Variants in CHD5 observed in about 807,000 individuals in gnomAD.
The protein encoded by CHD5 is ATP-dependent chromatin remodeler CHD5.
CHD5 carries 69 observed loss-of-function variants against 230.3 expected under a neutral mutation model. The ratio of observed to expected loss-of-function variants is 0.30; its 90% CI spans 0.25 to 0.37. The LOEUF is 0.37. Ranked by LOEUF, CHD5 falls within the 10% of genes least tolerant of loss-of-function variation. The pLI is 1.00. For missense variants in CHD5, 1,827 were observed against 2,622.8 expected (o/e 0.70, Z 6.63); for synonymous variants, 1,064 against 1,065.9 (o/e 1.00, Z 0.03).
rs190912709 is a variant in CHD5, at chr1:6,163,745, C to T, written c.208-4230G>A. On this transcript the variant is annotated intron_variant, in intron 2 of 41. Coordinates refer to ENST00000262450, the MANE Select transcript of CHD5 (RefSeq NM_015557.3). ...CCACGTGCAGGGGAGGAGACAGAGA[C>T]GCAGACCAATAAGTCCCTAACTAAG... 1.4e-4 allele frequency among the ~76,000 whole-genome samples: 22 copies of T among 152,258 alleles called. No individual in the cohort carries two copies. The East Asian group carries it at 3.5e-3, about 24-fold the overall frequency.
rs149692705 is a variant in CHD5, at chr1:6,128,926, G to A, written c.3531C>T (p.Leu1177=). 219 of 1,613,200 alleles carry A rather than the reference G, an allele frequency of 1.4e-4. No homozygotes were observed. Among genetic ancestry groups the A allele is most frequent in the African/African-American group, 1.7e-4 (13 of 74,918 alleles). The change falls in exon 23 of 42, where the codon CTC becomes CTT. Residue 1177 remains leucine (L), a synonymous_variant. Coordinates refer to ENST00000262450, the MANE Select transcript of CHD5 (RefSeq NM_015557.3). This position sits in a 1 kb window ranked among gnomAD's most constrained non-coding sequence, Gnocchi z 7.8. ...TGGTCATGGACCCCGACTTGGAGCC[G>A]AGGCCGGGCCGCACCACCAGGTGGG... The part of the protein sequence containing the change: ...MLTHLVVRPG[L]GSKSGSMTKQ...
Position 6,125,085 on chromosome 1 carries a change from A to G in CHD5, c.4394+15T>C, listed in dbSNP as rs1666533271. ...GCAGGTGGTCACACCCTGGGCCACC[A>G]CCTAGCCCCTTTACCTAAACTCCTT... On this transcript the variant is annotated intron_variant, in intron 29 of 41. Transcript: ENST00000262450. The surrounding 1 kb of genome is among the most constrained non-coding windows in gnomAD (Gnocchi z 6.7). 7 of 1,566,176 alleles carry G rather than the reference A, an allele frequency of 4.5e-6. No homozygotes were observed. The East Asian group carries it at 1.6e-4, about 37-fold the overall frequency.
At chr1:6,113,238 C>A in intron 33 of CHD5, 1 of 500,832 alleles carries the variant, frequency 2.0e-6, no homozygotes, top group Non-Finnish European at 3.6e-6. Flanking sequence ...AGCCTGGCAA[C>A]ATAGTGAAAT....
rs934138561 is a variant in CHD5 at position 6,130,981 on chromosome 1, T to C, written c.3262+650A>G. Among the ~76,000 whole-genome samples the C allele has an allele frequency of 1.3e-5, 2 of 152,250 alleles. No individual in the cohort carries two copies. Among genetic ancestry groups the C allele is most frequent in the African/African-American group, 4.8e-5 (2 of 41,480 alleles). ...CCTCCTGGCTCTCTGGCACAAGTGT[T>C]TGAGAGGAATCACTGCTTTGGGCGT... On this transcript the variant is annotated intron_variant, in intron 21 of 41. Coordinates refer to ENST00000262450, the MANE Select transcript of CHD5 (RefSeq NM_015557.3). The surrounding 1 kb of genome is among the most constrained non-coding windows in gnomAD (Gnocchi z 4.9).
intron 38 of CHD5, among the ~76,000 whole-genome samples, chr1:6,107,230 A>G (rs1379098723): frequency 7.8e-6 from 1 of 127,800 alleles, no homozygotes; most frequent in Non-Finnish European, 1.7e-5. Flanking sequence ...TGGAGGGATG[A>G]TGGAGGGATG....
chr1:6,107,591 A>AAGGCATGATGGAGAGATAAAGGGATGT (rs1666208111), intron 38 of CHD5, among the ~76,000 whole-genome samples: 1 of 139,856 alleles, frequency 7.2e-6, no homozygotes, highest in South Asian at 2.6e-4. Flanking sequence ...AGGGATGATG[A>AAGGCATGATGGAGAGATAAAGGGATGT]AGGGATGATG....
In CHD5 at chr1:6,102,483, G is replaced by GC. The variant is rs756862508; in HGVS notation, c.*2990dup. The GC allele has an allele frequency of 1.8e-3, 278 of 152,580 alleles. 1 individual carries two copies. Among genetic ancestry groups the GC allele is most frequent in the Non-Finnish European group, 3.4e-3 (234 of 68,170 alleles). 9.5% of individuals were successfully genotyped at this position (152,580 alleles called of 1,614,324 possible). On this transcript the variant is annotated 3_prime_UTR_variant, in exon 42 of 42. Transcript: ENST00000262450. ...GGCCCCCACCCACGCCCTGTCCCCTGCCCACAGACCCTGACGCACACTGGA... is the reference window on the plus strand; with the variant it reads ...GGCCCCCACCCACGCCCTGTCCCCTGCCCCACAGACCCTGACGCACACTGGA...
chr1:6,113,282 G>A (rs1431929415), intron 33 of CHD5: 1 of 422,510 alleles, frequency 2.4e-6, no homozygotes, highest in Non-Finnish European at 4.5e-6. Context: ...AACTTAGCTG[G>A]GCTTGGCGCC....
chr1:6,110,064 C>A, intron 37 of CHD5, 74 bp from the exon 38 acceptor site: 2 of 1,328,450 alleles, frequency 1.5e-6, no homozygotes, highest in Non-Finnish European at 2.0e-6. Flanking sequence ...CAGCGCCCAC[C>A]CCAGGCCAAG....
In CHD5 at chr1:6,128,950, G is replaced by A; in HGVS notation, c.3507C>T (p.Thr1169=). Residue 1169 remains threonine (T), a synonymous_variant, in exon 23 of 42, where the codon ACC becomes ACT. Coordinates refer to ENST00000262450, the MANE Select transcript of CHD5 (RefSeq NM_015557.3). The surrounding 1 kb of genome is among the most constrained non-coding windows in gnomAD (Gnocchi z 7.8). ...CGAGGCCGGGCCGCACCACCAGGTG[G>A]GTGAGCATCATCTTGCGCTTGGCCA... ...TQVAKRKMML[T]HLVVRPGLGS... 6.2e-7 allele frequency: 1 copy of A among 1,613,206 alleles called. No individual in the cohort carries two copies. Among genetic ancestry groups the A allele is most frequent in the Non-Finnish European group, 8.5e-7 (1 of 1,179,988 alleles).
At chr1:6,132,655 C>T (rs12121229) in intron 20 of CHD5, among the ~76,000 whole-genome samples, 28,416 of 152,098 alleles carry the variant, frequency 0.19, 3,460 homozygotes, top group East Asian at 0.66. Flanking sequence ...AATGCCTCAG[C>T]ACCAGGTTCC....
chr1:6,122,536 A>C (rs970356467), intron 31 of CHD5, among the ~76,000 whole-genome samples: 1 of 152,230 alleles, frequency 6.6e-6, no homozygotes, highest in Admixed American at 6.5e-5. Context: ...CAATACTAGC[A>C]GGAATGTAAA....
chr1:6,105,988 C>A lies in CHD5; in HGVS notation c.*46+246G>T, dbSNP rs1281666060. The stretch of plus-strand genomic sequence containing the variant: ...ACAGGAGCTCACCCAAGTCCACCGA[C>A]CCCTTCATGTCCTGCCACCCCAGCC... On this transcript the variant is annotated intron_variant, in intron 41 of 41. Coordinates refer to ENST00000262450, the MANE Select transcript of CHD5 (RefSeq NM_015557.3). The surrounding 1 kb of genome is among the most constrained non-coding windows in gnomAD (Gnocchi z 4.8). 6.6e-6 allele frequency among the ~76,000 whole-genome samples: 1 copy of A among 152,200 alleles called. No individual in the cohort carries two copies. Among genetic ancestry groups the A allele is most frequent in the African/African-American group, 2.4e-5 (1 of 41,464 alleles).
At chr1:6,106,196 G>C (rs753692662) in intron 41 of CHD5, 38 bp downstream of exon 41, 3 of 1,576,838 alleles carry the variant, frequency 1.9e-6, no homozygotes, top group African/African-American at 2.7e-5. Flanking sequence ...GCCAGCAATG[G>C]GGTGGCGGGG....
rs1247643387 is a variant in CHD5 at position 6,126,244 on chromosome 1, CCCACCTCCCG to C, written c.4078+318_4078+327del. 1.3e-5 allele frequency among the ~76,000 whole-genome samples: 2 copies of C among 152,210 alleles called. No individual in the cohort carries two copies. Among genetic ancestry groups the C allele is most frequent in the Non-Finnish European group, 2.9e-5 (2 of 68,034 alleles). On this transcript the variant is annotated intron_variant, in intron 26 of 41. Transcript: ENST00000262450. This position sits in a 1 kb window ranked among gnomAD's most constrained non-coding sequence, Gnocchi z 5.7. ...CCAGCGCCGCCCAGCGTTCCTGGCCCCCACCTCCCGGGGGGGTCCTGCACAGGGATGCCCC... is the reference window on the plus strand; with the variant it reads ...CCAGCGCCGCCCAGCGTTCCTGGCCCGGGGGGTCCTGCACAGGGATGCCCC...
chr1:6,139,974 C>A (rs1011122150), intron 15 of CHD5, among the ~76,000 whole-genome samples: 9 of 152,148 alleles, frequency 5.9e-5, no homozygotes, highest in Non-Finnish European at 7.4e-5. Context: ...TGCTAGGAGG[C>A]AGTGGAGGAG....
rs1243134166 is a variant in CHD5 at position 6,167,925 on chromosome 1, C to T, written c.207+225G>A. On this transcript the variant is annotated intron_variant, in intron 2 of 41. Transcript: ENST00000262450. The surrounding 1 kb of genome is among the most constrained non-coding windows in gnomAD (Gnocchi z 4.5). Reference sequence around the variant, plus strand: ...ACAACGGGAGGAAGGAAAAATGACGCTCCGACATCCTGCTCCGGAAACAGG... The same window carrying T: ...ACAACGGGAGGAAGGAAAAATGACGTTCCGACATCCTGCTCCGGAAACAGG... 1.1e-4 allele frequency among the ~76,000 whole-genome samples: 16 copies of T among 152,220 alleles called. No individual in the cohort carries two copies. The highest frequency in any genetic ancestry group is 1.0e-3 in the Admixed American group (16 of 15,282).
intron 41 of CHD5, 63 bp downstream of exon 41, chr1:6,106,171 G>T: frequency 6.9e-7 from 1 of 1,445,372 alleles, no homozygotes; most frequent in Non-Finnish European, 9.7e-7. Context: ...GGCTGACTGT[G>T]GCCAGGCCTG....
chr1:6,129,038 T>C lies in CHD5; in HGVS notation c.3419A>G (p.Asn1140Ser). Reference sequence around the variant, plus strand: ...GAAGCGGTAGATCATCACCTTCTTGTTCTGGCCGATGCGGTGGGCGCGGCT... The same window carrying C: ...GAAGCGGTAGATCATCACCTTCTTGCTCTGGCCGATGCGGTGGGCGCGGCT... ...AFSRAHRIGQ[N>S]KKVMIYRFVT... Residue 1140 changes from asparagine (N) to serine (S), a missense_variant, in exon 23 of 42, where the codon AAC becomes AGC. Asn to Ser is a conservative substitution (Grantham distance 46). Transcript: ENST00000262450. The surrounding 1 kb of genome is among the most constrained non-coding windows in gnomAD (Gnocchi z 6.8). The C allele has an allele frequency of 1.2e-6, 2 of 1,608,930 alleles. No individual in the cohort carries two copies. The highest frequency in any genetic ancestry group is 1.7e-6 in the Non-Finnish European group (2 of 1,178,362).
Sources: gnomAD v4.1 joint callset for allele counts (sites outside exome capture counted in the v4.1 genomes callset) on GRCh38, gnomAD v4.1.1 for gene constraint, Gnocchi (gnomAD v3.1) non-coding constraint, MANE v1.5 for transcripts, NCBI Gene and HGNC (gene_info 2026-07-23, HGNC 2026-07-21) for gene names.